Variants in TMEM74 observed in about 807,000 individuals in gnomAD.
TMEM74 encodes the protein transmembrane protein 74.
Under a neutral mutation model 18.1 loss-of-function variants are expected in TMEM74, and 13 were observed. The observed-to-expected ratio is 0.72, with a 90% CI of 0.47 to 1.14. The LOEUF (loss-of-function observed/expected upper bound fraction) is 1.14. Among genes scored for constraint, TMEM74 ranks in the 50% most tolerant of loss-of-function variants. The pLI is 0.00. For synonymous variants in TMEM74, 159 were observed against 146.6 expected, an observed-to-expected ratio of 1.08 and a Z score of -0.61; for missense variants, 372 against 375.9, an observed-to-expected ratio of 0.99 and a Z score of 0.09.
At position 108,708,809 on chromosome 8, in the gene TMEM74, C is replaced by CAAAAAAA. The variant is rs71564016; in HGVS notation, n.120-53379_120-53373dup. 5.5e-3 allele frequency among the ~76,000 whole-genome samples: 99 copies of CAAAAAAA among 17,842 alleles called. 1 individual carries two copies. The highest frequency in any genetic ancestry group is 0.017 in the East Asian group (5 of 288). 11.7% of individuals were successfully genotyped at this position (17,842 alleles called of 152,430 possible). On this transcript the variant is annotated intron_variant and non_coding_transcript_variant, in intron 1 of 3. Transcript: ENST00000518838. ...ACATGAAACTTCTACAACTCAATAG[C>CAAAAAAA]AAAAAAAAAAAAAAAAAAAAAAACC...
At chr8:108,669,520 C>A (rs926594334) in intron 1 of TMEM74, among the ~76,000 whole-genome samples, 18 of 152,104 alleles carry the variant, frequency 1.2e-4, no homozygotes, top group African/African-American at 4.3e-4. Context: ...TCCTTCAATT[C>A]TTGGTAGTAA....
chr8:108,683,322 GA>G, intron 1 of TMEM74, among the ~76,000 whole-genome samples: 1 of 151,186 alleles, frequency 6.6e-6, no homozygotes, highest in East Asian at 1.9e-4. Flanking sequence ...GAAAATAAAA[GA>G]AAAAATAAGA....
At chr8:108,698,367 C>T (rs991321258) in intron 1 of TMEM74, among the ~76,000 whole-genome samples, 10 of 152,264 alleles carry the variant, frequency 6.6e-5, no homozygotes, top group African/African-American at 2.4e-4. Context: ...GGTTCAAGCC[C>T]TGCTTCCATC....
At chr8:108,674,566 G>A (rs1269611050) in intron 1 of TMEM74, among the ~76,000 whole-genome samples, 3 of 152,230 alleles carry the variant, frequency 2.0e-5, no homozygotes, top group Non-Finnish European at 4.4e-5. Flanking sequence ...CTCCATGGAA[G>A]CTATTCAGAA....
At chr8:108,623,126 C>A (rs1812459655) in intron 2 of TMEM74, among the ~76,000 whole-genome samples, 1 of 152,082 alleles carries the variant, frequency 6.6e-6, no homozygotes, top group Admixed American at 6.6e-5. Context: ...TGGTCCTCTA[C>A]TCCTTGTTTA....
chr8:108,755,450 G>A (rs1813950854), intron 1 of TMEM74, among the ~76,000 whole-genome samples: 1 of 152,068 alleles, frequency 6.6e-6, no homozygotes, highest in African/African-American at 2.4e-5. Flanking sequence ...TACACATATA[G>A]CATGTGAAAA....
At chr8:108,679,834 C>A (rs923304035) in intron 1 of TMEM74, among the ~76,000 whole-genome samples, 1 of 152,132 alleles carries the variant, frequency 6.6e-6, no homozygotes, top group Admixed American at 6.5e-5. Flanking sequence ...TGCCTATGTC[C>A]TGAATGGTAT....
chr8:108,678,284 C>A (rs1489668428), intron 1 of TMEM74, among the ~76,000 whole-genome samples: 2 of 152,030 alleles, frequency 1.3e-5, no homozygotes, highest in Admixed American at 6.6e-5. Context: ...TGAAAACTGG[C>A]TTTGATAATT....
intron 1 of TMEM74, among the ~76,000 whole-genome samples, chr8:108,702,247 G>A (rs1401977032): frequency 1.3e-5 from 2 of 151,406 alleles, no homozygotes; most frequent in Admixed American, 6.6e-5. Context: ...GGAAGGCTGA[G>A]GCAAGGAGAA....
At chr8:108,777,092 G>A (rs537391243), downstream of TMEM74, among the ~76,000 whole-genome samples, 12 of 152,266 alleles carry the variant, frequency 7.9e-5, no homozygotes, top group South Asian at 2.3e-3. Context: ...TTCTATCAGA[G>A]TCTTGCAAGG....
At chr8:108,619,198 A>G (rs1272488088) in intron 2 of TMEM74, among the ~76,000 whole-genome samples, 2 of 152,220 alleles carry the variant, frequency 1.3e-5, no homozygotes, top group East Asian at 1.9e-4. Context: ...TTTTATATCC[A>G]AATGGCAAAA....
chr8:108,720,381 A>C (rs2130630748), intron 1 of TMEM74, among the ~76,000 whole-genome samples: 1 of 152,344 alleles, frequency 6.6e-6, no homozygotes, highest in Admixed American at 6.5e-5. Context: ...GAAATGGTTA[A>C]ATAATAGTCT....
intron 1 of TMEM74, among the ~76,000 whole-genome samples, chr8:108,659,254 A>AACACACACATACACACAAACACACAC (rs1554630411): frequency 1.2e-4 from 18 of 149,856 alleles, no homozygotes; most frequent in African/African-American, 4.4e-4. Context: ...ATAGCCCACT[A>AACACACACATACACACAAACACACAC]ACACACACAC....
intron 1 of TMEM74, among the ~76,000 whole-genome samples, chr8:108,684,633 A>G (rs1203992208): frequency 6.6e-6 from 1 of 150,418 alleles, no homozygotes; most frequent in African/African-American, 2.4e-5. Flanking sequence ...TTAAGGTCTT[A>G]TTCATAAAAG....
intron 1 of TMEM74, among the ~76,000 whole-genome samples, chr8:108,726,798 G>T (rs1383902574): frequency 6.6e-6 from 1 of 151,372 alleles, no homozygotes; most frequent in African/African-American, 2.4e-5. Context: ...GGGTTGAGGT[G>T]AAAAATAAAC....
chr8:108,655,195 T>A (rs1812809884), intron 2 of TMEM74: 1 of 152,186 alleles, frequency 6.6e-6, no homozygotes, highest in Admixed American at 6.6e-5. Flanking sequence ...TAAATGGCTT[T>A]CAGTCCACCA....
intron 1 of TMEM74, among the ~76,000 whole-genome samples, chr8:108,744,188 C>T (rs1586281369): frequency 6.6e-6 from 1 of 152,196 alleles, no homozygotes; most frequent in Middle Eastern, 3.4e-3. Flanking sequence ...GTCGATCTGA[C>T]GTCACTTCAG....
Position 108,770,342 on chromosome 8 carries a change from TCAA to T in TMEM74, n.119+17131_119+17133del, listed in dbSNP as rs894329241. On this transcript the variant is annotated intron_variant and non_coding_transcript_variant, in intron 1 of 3. Coordinates refer to the TMEM74 transcript ENST00000518838. ...TTCTTCTACTGCAACTGGATAGAGGTCAACAACAACAAAAACTTCCCAGAATCT... is the reference window on the plus strand; with the variant it reads ...TTCTTCTACTGCAACTGGATAGAGGTCAACAACAAAAACTTCCCAGAATCT... Among the ~76,000 whole-genome samples, 5 of 152,298 alleles carry T rather than the reference TCAA, an allele frequency of 3.3e-5. No homozygotes were observed. The South Asian group carries it at 6.2e-4, about 19-fold the overall frequency.
chr8:108,752,879 C>T (rs1226781106), intron 1 of TMEM74, among the ~76,000 whole-genome samples: 1 of 152,054 alleles, frequency 6.6e-6, no homozygotes, highest in Admixed American at 6.6e-5. Context: ...GTTCACTGGC[C>T]CTTTTTTCTC....
Sources: gnomAD v4.1 joint callset for allele counts (sites outside exome capture counted in the v4.1 genomes callset) on GRCh38, gnomAD v4.1.1 for gene constraint, MANE v1.5 for transcripts, NCBI Gene and HGNC (gene_info 2026-07-23, HGNC 2026-07-21) for gene names.